Variants in KIAA1958 observed in about 807,000 individuals in gnomAD.
KIAA1958 encodes the protein uncharacterized protein KIAA1958.
KIAA1958 carries 14 observed loss-of-function variants against 47.2 expected under a neutral mutation model. The observed-to-expected ratio is 0.30, with a 90% CI of 0.20 to 0.46. The LOEUF (loss-of-function observed/expected upper bound fraction) is 0.46. Ranked by LOEUF, KIAA1958 falls within the 20% of genes least tolerant of loss-of-function variation. The pLI is 1.00. For synonymous variants in KIAA1958, 354 were observed against 353.3 expected, an observed-to-expected ratio of 1.00 and a Z score of -0.02; for missense variants, 803 against 909.2, an observed-to-expected ratio of 0.88 and a Z score of 1.50.
intron 1 of KIAA1958, among the ~76,000 whole-genome samples, chr9:112,516,091 A>G (rs543695596): frequency 7.0e-4 from 106 of 152,266 alleles, no homozygotes; most frequent in African/African-American, 2.5e-3. Context: ...CTATGTAGCA[A>G]ATCTTGTGGG....
Position 112,618,308 on chromosome 9 carries a change from T to A in KIAA1958, c.1172-27342T>A. On this transcript the variant is annotated intron_variant, in intron 2 of 3. Coordinates refer to ENST00000337530, the MANE Select transcript of KIAA1958 (RefSeq NM_133465.4). The surrounding 1 kb of genome is among the most constrained non-coding windows in gnomAD (Gnocchi z 7.1). ...GCGGAAAAGGGGACTGCTAAGCCGA[T>A]ATAACCCCGAGGGTTTGCTCAACCT... 1 of 1,551,158 alleles carries A rather than the reference T, an allele frequency of 6.4e-7. No homozygotes were observed. Among genetic ancestry groups the A allele is most frequent in the Non-Finnish European group, 8.7e-7 (1 of 1,147,118 alleles).
At chr9:112,563,822 A>G (rs1217562081) in intron 1 of KIAA1958, among the ~76,000 whole-genome samples, 3 of 152,142 alleles carry the variant, frequency 2.0e-5, no homozygotes, top group Admixed American at 6.6e-5. Flanking sequence ...TCTTAAAAGG[A>G]AATAGTTGTC....
At chr9:112,539,406 T>C (rs894951517) in intron 1 of KIAA1958, among the ~76,000 whole-genome samples, 1 of 152,344 alleles carries the variant, frequency 6.6e-6, no homozygotes, top group African/African-American at 2.4e-5. Context: ...GAAAACATTA[T>C]GCTAAGTGAA....
At chr9:112,537,234 T>G (rs1051012686) in intron 1 of KIAA1958, among the ~76,000 whole-genome samples, 3 of 152,018 alleles carry the variant, frequency 2.0e-5, no homozygotes, top group Non-Finnish European at 4.4e-5. Context: ...GCCTCCCGAG[T>G]AACTGGAACT....
In KIAA1958 at chr9:112,659,414, C is replaced by A; in HGVS notation, c.1496C>A (p.Thr499Asn). 6.2e-7 allele frequency: 1 copy of A among 1,614,160 alleles called. No individual in the cohort carries two copies. Among genetic ancestry groups the A allele is most frequent in the Middle Eastern group, 1.6e-4 (1 of 6,062 alleles). Residue 499 changes from threonine (T) to asparagine (N), a missense_variant, in exon 4 of 4, where the codon ACC (threonine) becomes AAC (asparagine). By Grantham distance (65) the Thr-to-Asn change is moderately conservative. Coordinates refer to ENST00000337530, the MANE Select transcript of KIAA1958 (RefSeq NM_133465.4). The part of the protein sequence containing the change: ...LKNAGVGFSI[T>N]SSTFSSSTKK... ...AATGCAGGTGTCGGCTTTTCCATCA[C>A]CAGCAGCACCTTCAGCTCCTCCACC... is the stretch of plus-strand genomic sequence containing the variant.
intron 2 of KIAA1958, among the ~76,000 whole-genome samples, chr9:112,614,415 C>T (rs1208473541): frequency 6.6e-6 from 1 of 151,712 alleles, no homozygotes; most frequent in Non-Finnish European, 1.5e-5. Context: ...GTATGTTACA[C>T]CTATTAAAAA....
chr9:112,558,723 C>T (rs184965697), intron 1 of KIAA1958, among the ~76,000 whole-genome samples: 11 of 152,296 alleles, frequency 7.2e-5, no homozygotes, highest in Admixed American at 6.5e-4. Flanking sequence ...TCAGCACTCA[C>T]CATCCACATA....
At chr9:112,568,815 G>C (rs1487892461) in intron 1 of KIAA1958, among the ~76,000 whole-genome samples, 4 of 150,654 alleles carry the variant, frequency 2.7e-5, no homozygotes, top group Non-Finnish European at 5.9e-5. Flanking sequence ...CGGAGCCCAG[G>C]GGGCAGAGGT....
In KIAA1958 at chr9:112,659,406, T is replaced by C. The variant is rs1384387718; in HGVS notation, c.1488T>C (p.Phe496=). 1 of 1,614,036 alleles carries C rather than the reference T, an allele frequency of 6.2e-7. No individual in the cohort carries two copies. Among genetic ancestry groups the C allele is most frequent in the Non-Finnish European group, 8.5e-7 (1 of 1,180,024 alleles). The change falls in exon 4 of 4, where the codon TTT becomes TTC. Residue 496 remains phenylalanine (F), a synonymous_variant. Transcript: ENST00000337530. ...DRILKNAGVG[F]SITSSTFSSS... ...TCCTGAAGAATGCAGGTGTCGGCTTTTCCATCACCAGCAGCACCTTCAGCT... is the reference window on the plus strand; with the variant it reads ...TCCTGAAGAATGCAGGTGTCGGCTTCTCCATCACCAGCAGCACCTTCAGCT...
rs560649531 is a variant in KIAA1958, at chr9:112,613,908, C to T, written c.1172-31742C>T. Among the ~76,000 whole-genome samples the T allele has an allele frequency of 8.5e-5, 13 of 152,186 alleles. No homozygotes were observed. The East Asian group carries it at 1.5e-3, about 18-fold the overall frequency. On this transcript the variant is annotated intron_variant, in intron 2 of 3. Coordinates refer to ENST00000337530, the MANE Select transcript of KIAA1958 (RefSeq NM_133465.4). The stretch of plus-strand genomic sequence containing the variant: ...CTGTGACCCAGCAATTCCACTCCTA[C>T]GTATATACCCAAGAGAGATGCATGC...
intron 1 of KIAA1958, among the ~76,000 whole-genome samples, chr9:112,520,579 G>T (rs916394308): frequency 3.3e-5 from 5 of 152,114 alleles, no homozygotes; most frequent in Non-Finnish European, 5.9e-5. Flanking sequence ...AGGAAGTGAA[G>T]AAACAGAGAA....
intron 2 of KIAA1958, among the ~76,000 whole-genome samples, chr9:112,596,718 C>T (rs768249762): frequency 1.3e-5 from 2 of 152,212 alleles, no homozygotes; most frequent in East Asian, 1.9e-4. Context: ...AATAGCCTAA[C>T]TCAGAAGAGA....
Position 112,642,419 on chromosome 9 carries a change from G to A in KIAA1958, c.1172-3231G>A, listed in dbSNP as rs140188393. On this transcript the variant is annotated intron_variant, in intron 2 of 3. Coordinates refer to ENST00000337530, the MANE Select transcript of KIAA1958 (RefSeq NM_133465.4). ...GCTTTTTCCCTTGTCCATGTCCAAT[G>A]GGACTGCCCAGAGTTACCAGAGGCA... Among the ~76,000 whole-genome samples the A allele has an allele frequency of 4.6e-5, 7 of 152,328 alleles. No homozygotes were observed. The East Asian group carries it at 1.2e-3, about 25-fold the overall frequency.
rs2131261445 is a variant in KIAA1958, at chr9:112,667,937, T to C, written c.*7868T>C. 1 of 152,304 alleles carries C rather than the reference T, an allele frequency of 6.6e-6. No homozygotes were observed. Among genetic ancestry groups the C allele is most frequent in the East Asian group, 1.9e-4 (1 of 5,180 alleles). The allele number at this position is 152,304 out of a possible 1,614,324, so 9.4% of individuals were successfully genotyped here. A position where few individuals can be genotyped will look rare whatever the true frequency, so the allele number is the denominator to read the frequency against. On this transcript the variant is annotated 3_prime_UTR_variant, in exon 4 of 4. Coordinates refer to ENST00000337530, the MANE Select transcript of KIAA1958 (RefSeq NM_133465.4). ...GAGGAAGGGTATGTATGCTTTTAAA[T>C]AGATAATATGGCTAGAAGCTACATA...
At chr9:112,515,888 ATAAAT>A (rs1160433268) in intron 1 of KIAA1958, among the ~76,000 whole-genome samples, 1 of 53,512 alleles carries the variant, frequency 1.9e-5, no homozygotes, top group South Asian at 9.8e-4. Context: ...CAATAAAAAA[ATAAAT>A]TAAAAAAAAA....
chr9:112,520,561 G>A (rs1250820999), intron 1 of KIAA1958, among the ~76,000 whole-genome samples: 1 of 152,190 alleles, frequency 6.6e-6, no homozygotes, highest in African/African-American at 2.4e-5. Flanking sequence ...CAGAAGCACT[G>A]ATTGAAAAGG....
intron 1 of KIAA1958, among the ~76,000 whole-genome samples, chr9:112,571,871 C>A (rs1835543688): frequency 1.4e-5 from 2 of 143,866 alleles, no homozygotes; most frequent in Non-Finnish European, 1.5e-5. Context: ...AAGTTCAGAA[C>A]AAACACACAA....
chr9:112,533,195 GTC>G (rs1023704980), intron 1 of KIAA1958, among the ~76,000 whole-genome samples: 8 of 152,074 alleles, frequency 5.3e-5, no homozygotes, highest in African/African-American at 1.9e-4. Context: ...TATATATAAA[GTC>G]TCTAATTTTT....
intron 1 of KIAA1958, among the ~76,000 whole-genome samples, chr9:112,546,398 A>G (rs1456980776): frequency 1.3e-5 from 2 of 152,132 alleles, no homozygotes; most frequent in African/African-American, 4.8e-5. Context: ...TGTTTAGCAT[A>G]TGATTAAGAA....
Sources: allele counts gnomAD v4.1 joint callset (sites outside exome capture counted in the v4.1 genomes callset), GRCh38; gene constraint gnomAD v4.1.1; non-coding constraint Gnocchi (gnomAD v3.1); transcripts MANE v1.5; gene names NCBI Gene and HGNC (gene_info 2026-07-23, HGNC 2026-07-21).